The following CNTNAP2 variants were observed in gnomAD, a reference collection of about 807,000 sequenced individuals.
CNTNAP2 encodes the protein contactin-associated protein-like 2.
In CNTNAP2, 98 loss-of-function variants were observed where a neutral mutation model predicts 155.2. The ratio of observed to expected loss-of-function variants is 0.63; its 90% confidence interval spans 0.54 to 0.75. The LOEUF is 0.75. Among genes scored for constraint, CNTNAP2 ranks in the 30% least tolerant of loss-of-function variants. CNTNAP2 has a pLI of 0.00. For synonymous variants in CNTNAP2, 651 were observed against 631.2 expected (o/e 1.03, Z -0.47); for missense variants, 1,727 against 1,688.1 (o/e 1.02, Z -0.40).
intron 12 of CNTNAP2, among the ~76,000 whole-genome samples, chr7:147,602,400 C>G (rs997974883): frequency 6.6e-6 from 1 of 150,490 alleles, no homozygotes; most frequent in Non-Finnish European, 1.5e-5. Context: ...TTTTATTTAA[C>G]CCAATATATC....
intron 1 of CNTNAP2, among the ~76,000 whole-genome samples, chr7:146,309,254 C>T (rs1000821923): frequency 6.6e-6 from 1 of 152,038 alleles, no homozygotes; most frequent in Non-Finnish European, 1.5e-5. Flanking sequence ...ACTTTCAGAA[C>T]GTGTGATTTG....
chr7:148,193,033 A>AT (rs1164438781), intron 18 of CNTNAP2, among the ~76,000 whole-genome samples: 5 of 152,182 alleles, frequency 3.3e-5, no homozygotes, highest in South Asian at 2.1e-4. Context: ...AAAAATGAAG[A>AT]TTTTTTTCCT....
chr7:147,534,616 G>A (rs957740333), intron 11 of CNTNAP2, among the ~76,000 whole-genome samples: 2 of 152,092 alleles, frequency 1.3e-5, no homozygotes, highest in African/African-American at 4.8e-5. Context: ...CAAAACCCAT[G>A]AATTTCATAA....
chr7:147,564,954 C>A (rs563394001), intron 12 of CNTNAP2, among the ~76,000 whole-genome samples: 34 of 152,300 alleles, frequency 2.2e-4, no homozygotes, highest in African/African-American at 7.9e-4. Flanking sequence ...ACTAACCAAC[C>A]CTTCCTTTTC....
intron 9 of CNTNAP2, among the ~76,000 whole-genome samples, chr7:147,313,472 T>C (rs1795163867): frequency 6.6e-6 from 1 of 150,742 alleles, no homozygotes; most frequent in South Asian, 2.1e-4. Context: ...GTTTCAGCTT[T>C]CTACATATGG....
At position 146,538,207 on chromosome 7, in the gene CNTNAP2, A is replaced by G. The variant is rs1338818396; in HGVS notation, c.98-236064A>G. On this transcript the variant is annotated intron_variant, in intron 1 of 23. Coordinates refer to ENST00000361727, the MANE Select transcript of CNTNAP2 (RefSeq NM_014141.6). ...GGAAGAGCTAATAGGATTATCCAGTATCTTGGATATGGGCTATATTAATCA... is the reference window on the plus strand; with the variant it reads ...GGAAGAGCTAATAGGATTATCCAGTGTCTTGGATATGGGCTATATTAATCA... 2.0e-5 allele frequency among the ~76,000 whole-genome samples: 3 copies of G among 152,142 alleles called. No homozygotes were observed. In the East Asian group the frequency reaches 5.8e-4, roughly 29 times the overall value.
At chr7:148,396,112 T>C (rs1799462622) in intron 22 of CNTNAP2, among the ~76,000 whole-genome samples, 1 of 152,188 alleles carries the variant, frequency 6.6e-6, no homozygotes, top group African/African-American at 2.4e-5. Context: ...TGGGGCTGGC[T>C]AAGTGCGGGG....
chr7:146,396,717 A>ATG (rs1480759039), intron 1 of CNTNAP2, among the ~76,000 whole-genome samples: 3 of 150,596 alleles, frequency 2.0e-5, no homozygotes, highest in Admixed American at 6.6e-5. Flanking sequence ...ACATATATAT[A>ATG]TGTGTATATA....
intron 21 of CNTNAP2, among the ~76,000 whole-genome samples, chr7:148,337,530 G>T (rs1398033035): frequency 1.3e-5 from 2 of 152,126 alleles, no homozygotes; most frequent in African/African-American, 2.4e-5. Flanking sequence ...CTTTTTGTTT[G>T]ATCTTCTCAG....
chr7:146,474,209 T>C (rs1472991863), intron 1 of CNTNAP2, among the ~76,000 whole-genome samples: 1 of 151,022 alleles, frequency 6.6e-6, no homozygotes, highest in Non-Finnish European at 1.5e-5. Flanking sequence ...AAAGTGCATT[T>C]ATTTTTTTTT....
chr7:148,083,255 T>C (rs974331194), intron 15 of CNTNAP2, among the ~76,000 whole-genome samples: 7 of 152,168 alleles, frequency 4.6e-5, no homozygotes, highest in African/African-American at 1.7e-4. Context: ...TTTTCTTAAA[T>C]GCACATGATA....
intron 21 of CNTNAP2, among the ~76,000 whole-genome samples, chr7:148,312,648 C>G (rs993739261): frequency 2.0e-5 from 3 of 152,056 alleles, no homozygotes. Context: ...AGGCGCAGAT[C>G]CTGAACTAAC....
chr7:146,785,603 A>G (rs1802562299), intron 2 of CNTNAP2, among the ~76,000 whole-genome samples: 1 of 152,242 alleles, frequency 6.6e-6, no homozygotes, highest in South Asian at 2.1e-4. Context: ...CCAAAAAACT[A>G]TCTCACAAAT....
chr7:146,803,141 G>C (rs1453301164), intron 2 of CNTNAP2, among the ~76,000 whole-genome samples: 1 of 152,128 alleles, frequency 6.6e-6, no homozygotes, highest in Non-Finnish European at 1.5e-5. Flanking sequence ...AGGAGGTCAT[G>C]ATTCTTGAAG....
intron 3 of CNTNAP2, among the ~76,000 whole-genome samples, chr7:146,917,172 G>T (rs1796410443): frequency 6.6e-6 from 1 of 152,088 alleles, no homozygotes; most frequent in Non-Finnish European, 1.5e-5. Context: ...TTCCACTGTG[G>T]TCTGAGAGAG....
At chr7:146,513,929 G>T (rs1312528400) in intron 1 of CNTNAP2, among the ~76,000 whole-genome samples, 1 of 151,762 alleles carries the variant, frequency 6.6e-6, no homozygotes, top group Non-Finnish European at 1.5e-5. Context: ...CATTCCTTCA[G>T]GTTTGAAGGA....
intron 18 of CNTNAP2, 86 bp downstream of exon 18, chr7:148,172,564 A>C: frequency 2.5e-6 from 3 of 1,192,250 alleles, no homozygotes; most frequent in Non-Finnish European, 3.7e-6. Flanking sequence ...TATGTAAACA[A>C]GTGTACCTTA....
At chr7:147,579,070 A>G in intron 12 of CNTNAP2, among the ~76,000 whole-genome samples, 1 of 152,018 alleles carries the variant, frequency 6.6e-6, no homozygotes, top group East Asian at 1.9e-4. Context: ...GTAAATTCTT[A>G]ATTGACGTGG....
chr7:147,487,828 T>C (rs1279669099), intron 11 of CNTNAP2, among the ~76,000 whole-genome samples: 2 of 152,188 alleles, frequency 1.3e-5, no homozygotes, highest in African/African-American at 4.8e-5. Context: ...AGTGGCCAGC[T>C]CCAAAGGTAA....
Sources: allele counts gnomAD v4.1 joint callset (sites outside exome capture counted in the v4.1 genomes callset), GRCh38; gene constraint gnomAD v4.1.1; transcripts MANE v1.5; gene names NCBI Gene and HGNC (gene_info 2026-07-23, HGNC 2026-07-21).